Variants in ATG16L1 observed in about 807,000 individuals in gnomAD.
ATG16L1 encodes autophagy related 16 like 1, also known as autophagy-related protein 16-1.
In ATG16L1, 37 loss-of-function variants were observed where a neutral mutation model predicts 88.5. The ratio of observed to expected loss-of-function variants is 0.42; its 90% CI spans 0.32 to 0.55. The LOEUF is 0.55. ATG16L1 is among the 20% of genes least tolerant of loss of function. ATG16L1 has a pLI of 0.13. For missense variants in ATG16L1, 554 were observed against 752.8 expected, an observed-to-expected ratio of 0.74 and a Z score of 3.09; for synonymous variants, 301 against 281.0, an observed-to-expected ratio of 1.07 and a Z score of -0.71.
chr2:233,268,300 AAC>A (rs1697746408), intron 5 of ATG16L1, among the ~76,000 whole-genome samples: 1 of 152,172 alleles, frequency 6.6e-6, no homozygotes, highest in African/African-American at 2.4e-5. Context: ...TACTACTAAA[AAC>A]ACAAAAATTA....
In ATG16L1 at chr2:233,291,670, A is replaced by G. The variant is rs144389589; in HGVS notation, c.1431-458A>G. ...TCTGCCCTGGCTTTCCTGGCCCCAT[A>G]TCTGGAGGTGGAGGGCCACAGAGCC... On this transcript the variant is annotated intron_variant, in intron 14 of 17. Coordinates refer to ENST00000392017, the MANE Select transcript of ATG16L1 (RefSeq NM_030803.7). Among the ~76,000 whole-genome samples, 253 of 152,216 alleles carry G rather than the reference A, an allele frequency of 1.7e-3. 3 individuals carry two copies. Among genetic ancestry groups the G allele is most frequent in the African/African-American group, 5.8e-3 (242 of 41,566 alleles).
intron 6 of ATG16L1, among the ~76,000 whole-genome samples, chr2:233,270,839 G>A (rs774672722): frequency 1.3e-5 from 2 of 152,168 alleles, no homozygotes; most frequent in African/African-American, 2.4e-5. Context: ...GCTCTAGGAT[G>A]TTTCTTTTCT....
chr2:233,278,727 G>A (rs1313511209), intron 10 of ATG16L1, among the ~76,000 whole-genome samples: 3 of 152,078 alleles, frequency 2.0e-5, no homozygotes, highest in Admixed American at 1.3e-4. Flanking sequence ...ATCAGAGCAG[G>A]AGCAACTTAT....
At chr2:233,253,332 G>GTTTTTTTTTTTTTTTTTTTTT (rs570754671) in intron 1 of ATG16L1, among the ~76,000 whole-genome samples, 4 of 112,890 alleles carry the variant, frequency 3.5e-5, no homozygotes, top group African/African-American at 6.6e-5. Flanking sequence ...GTGAGACTGG[G>GTTTTTTTTTTTTTTTTTTTTT]TTTTTTTGTT....
chr2:233,258,600 A>G (rs551969449), intron 2 of ATG16L1, among the ~76,000 whole-genome samples: 1 of 152,338 alleles, frequency 6.6e-6, no homozygotes, highest in African/African-American at 2.4e-5. Context: ...AAACATTTCT[A>G]TCTGATTAAA....
Position 233,293,283 on chromosome 2 carries a change from C to T in ATG16L1, c.1656C>T (p.Gly552=), listed in dbSNP as rs1699589526. Residue 552 remains glycine (G), a synonymous_variant, in exon 17 of 18, where the codon GGC becomes GGT. Coordinates refer to ENST00000392017, the MANE Select transcript of ATG16L1 (RefSeq NM_030803.7). The part of the protein sequence containing the change: ...FSPDGSYVAA[G]SAEGSLYIWS... ...CTGATGGCAGTTACGTGGCGGCAGG[C>T]TCTGCTGAGGGCTCTCTGTATATCT... 3 of 1,614,148 alleles carry T rather than the reference C, an allele frequency of 1.9e-6. No individual in the cohort carries two copies. The highest frequency in any genetic ancestry group is 1.3e-5 in the African/African-American group (1 of 75,034).
At chr2:233,253,340 GTTTTTTTTTT>G (rs56151049) in intron 1 of ATG16L1, among the ~76,000 whole-genome samples, 1 of 108,660 alleles carries the variant, frequency 9.2e-6, no homozygotes, top group Non-Finnish European at 1.8e-5. Flanking sequence ...GGGTTTTTTT[GTTTTTTTTTT>G]TTTTTTTTTT....
intron 12 of ATG16L1, among the ~76,000 whole-genome samples, chr2:233,289,222 A>G (rs1016708248): frequency 6.6e-6 from 1 of 152,076 alleles, no homozygotes; most frequent in Non-Finnish European, 1.5e-5. Context: ...AGTGATGTTG[A>G]ATTTTTGTTT....
intron 14 of ATG16L1, 136 bp from the exon 15 acceptor site, chr2:233,291,992 A>G: frequency 3.1e-6 from 3 of 983,442 alleles, no homozygotes; most frequent in Non-Finnish European, 4.5e-6. Flanking sequence ...AGGTTATTAG[A>G]AGACTGGGAA....
intron 5 of ATG16L1, among the ~76,000 whole-genome samples, chr2:233,267,109 G>A (rs559369185): frequency 2.0e-5 from 3 of 152,330 alleles, no homozygotes; most frequent in African/African-American, 7.2e-5. Flanking sequence ...AGCACTTTGG[G>A]AGGCCAAGGA....
chr2:233,289,972 T>G lies in ATG16L1; in HGVS notation c.1322T>G (p.Val441Gly). 6.2e-7 allele frequency: 1 copy of G among 1,613,590 alleles called. No individual in the cohort carries two copies. Among genetic ancestry groups the G allele is most frequent in the Non-Finnish European group, 8.5e-7 (1 of 1,179,488 alleles). ...TLKLWDLRSKVCIKTVFAGSS... is the reference protein window; with the variant it reads ...TLKLWDLRSKGCIKTVFAGSS... Reference sequence around the variant, plus strand: ...AAACTCTGGGATCTACGCAGCAAAGTCTGTGAGGAAATTCAGTCTCTCTGT... The same window carrying G: ...AAACTCTGGGATCTACGCAGCAAAGGCTGTGAGGAAATTCAGTCTCTCTGT... Residue 441 changes from valine (V) to glycine (G), a missense_variant and splice_region_variant, in exon 13 of 18, where the codon GTC becomes GGC. This residue lies in a region of ATG16L1 where 370 missense variants were observed against 509.7 expected (regional missense o/e 0.73). Coordinates refer to ENST00000392017, the MANE Select transcript of ATG16L1 (RefSeq NM_030803.7).
At chr2:233,260,531 A>G (rs193138886) in intron 2 of ATG16L1, among the ~76,000 whole-genome samples, 3 of 152,372 alleles carry the variant, frequency 2.0e-5, no homozygotes, top group Non-Finnish European at 4.4e-5. Flanking sequence ...CCTTGCCAGG[A>G]AAGCAGGTCA....
intron 3 of ATG16L1, 38 bp from the exon 4 acceptor site, chr2:233,263,954 A>C: frequency 6.2e-7 from 1 of 1,606,644 alleles, no homozygotes; most frequent in Non-Finnish European, 8.5e-7. Flanking sequence ...GAGGTCCTAA[A>C]ATTTTTATTT....
intron 5 of ATG16L1, among the ~76,000 whole-genome samples, chr2:233,269,026 A>G (rs1029063264): frequency 2.0e-5 from 3 of 152,218 alleles, no homozygotes; most frequent in Admixed American, 6.5e-5. Context: ...GGTCAGGGTT[A>G]GGAGTTAGGG....
chr2:233,288,331 G>T (rs1175312081), intron 12 of ATG16L1, among the ~76,000 whole-genome samples: 1 of 152,186 alleles, frequency 6.6e-6, no homozygotes, highest in Non-Finnish European at 1.5e-5. Flanking sequence ...CTAAGGTTTG[G>T]AGTGCAGTGG....
In ATG16L1 at chr2:233,295,468, G is replaced by A. The variant is rs1030189674; in HGVS notation, c.*1118G>A. 4 of 152,614 alleles carry A rather than the reference G, an allele frequency of 2.6e-5. No homozygotes were observed. The highest frequency in any genetic ancestry group is 9.7e-5 in the African/African-American group (4 of 41,364). The allele number at this position is 152,614 out of a possible 1,614,324, so 9.5% of individuals were successfully genotyped here. On this transcript the variant is annotated 3_prime_UTR_variant, in exon 18 of 18. Coordinates refer to ENST00000392017, the MANE Select transcript of ATG16L1 (RefSeq NM_030803.7). ...AGAGCTGGTGAGAGAGGAGTCAGGT[G>A]GCCTTCCCACCGATGGTCCTGGCCT...
chr2:233,270,122 A>C, intron 6 of ATG16L1, 55 bp downstream of exon 6: 1 of 1,514,086 alleles, frequency 6.6e-7, no homozygotes, highest in East Asian at 2.4e-5. Flanking sequence ...GCTCTCTTAA[A>C]AGTTTTGTTT....
At chr2:233,255,269 G>A (rs550880458) in intron 1 of ATG16L1, among the ~76,000 whole-genome samples, 1 of 152,128 alleles carries the variant, frequency 6.6e-6, no homozygotes, top group Non-Finnish European at 1.5e-5. Context: ...ATAGGCCTGT[G>A]TGCCTATTAC....
chr2:233,283,127 G>A (rs1461044596), intron 12 of ATG16L1: 1 of 200,744 alleles, frequency 5.0e-6, no homozygotes, highest in African/African-American at 2.3e-5. Flanking sequence ...AGTACAAATG[G>A]ATGTATCATA....
Sources: gnomAD v4.1 joint callset for allele counts (sites outside exome capture counted in the v4.1 genomes callset) on GRCh38, gnomAD v4.1.1 for gene constraint, gnomAD v4.1.1 regional missense constraint, MANE v1.5 for transcripts, NCBI Gene and HGNC (gene_info 2026-07-23, HGNC 2026-07-21) for gene names.